MFF: variants seen among roughly 807,000 people sequenced by gnomAD.
MFF encodes chromosome 2 open reading frame 33.
A neutral mutation model predicts 36.9 loss-of-function variants in MFF; 12 were observed. That is an observed-to-expected ratio of 0.33 (90% confidence interval 0.21 to 0.53). The LOEUF is 0.53. MFF is among the 20% of genes least tolerant of loss of function. MFF has a pLI of 0.95. For synonymous variants in MFF, 99 were observed against 126.2 expected (o/e 0.78, Z 1.44); for missense variants, 348 against 366.6 (o/e 0.95, Z 0.42).
intron 1 of MFF, among the ~76,000 whole-genome samples, chr2:227,327,915 C>A (rs1197117037): frequency 6.6e-6 from 1 of 152,188 alleles, no homozygotes; most frequent in Non-Finnish European, 1.5e-5. Flanking sequence ...AGCATCTCAT[C>A]TGGAATGATG....
intron 1 of MFF, among the ~76,000 whole-genome samples, chr2:227,326,076 T>C (rs2074094572): frequency 6.6e-6 from 1 of 152,040 alleles, no homozygotes; most frequent in South Asian, 2.1e-4. Context: ...TCCGCCGAGC[T>C]TCTGACCTTC....
chr2:227,325,624 C>G (rs2074042442), intron 1 of MFF, 197 bp downstream of exon 1: 2 of 152,320 alleles, frequency 1.3e-5, no homozygotes, highest in Admixed American at 6.5e-5. Flanking sequence ...GACCTTGAGT[C>G]CCCGAGGAGA....
chr2:227,335,407 T>G (rs551571375), intron 4 of MFF, among the ~76,000 whole-genome samples: 1 of 152,116 alleles, frequency 6.6e-6, no homozygotes, highest in Non-Finnish European at 1.5e-5. Context: ...TTTGGGCTGA[T>G]GAAAATATTC....
Position 227,340,347 on chromosome 2 carries a change from G to C in MFF, c.407G>C (p.Arg136Pro), listed in dbSNP as rs748723518. Residue 136 changes from arginine (R) to proline (P), a missense_variant, in exon 5 of 9, where the codon CGC (arginine) becomes CCC (proline). Physicochemically the swap from Arg to Pro is moderately radical, Grantham distance 103 (BLOSUM62 -2). Coordinates refer to ENST00000304593, the MANE Select transcript of MFF (RefSeq NM_001277062.2). ...CGGTCTATGAGTGAAAATGCTGTTC[G>C]CCAAAATGGACAGCTGGTCAGAAAT... is the stretch of plus-strand genomic sequence containing the variant. ...RERSMSENAVRQNGQLVRNDS... is the reference protein window; with the variant it reads ...RERSMSENAVPQNGQLVRNDS... The C allele has an allele frequency of 6.2e-7, 1 of 1,613,884 alleles. No individual in the cohort carries two copies. The highest frequency in any genetic ancestry group is 8.5e-7 in the Non-Finnish European group (1 of 1,179,860).
At chr2:227,351,336 A>T (rs961629800) in intron 6 of MFF, among the ~76,000 whole-genome samples, 47 of 152,192 alleles carry the variant, frequency 3.1e-4, no homozygotes, top group African/African-American at 1.1e-3. Flanking sequence ...CACTGGTAGT[A>T]CCTTTAAGAC....
At chr2:227,343,970 T>C (rs1241840968) in intron 5 of MFF, among the ~76,000 whole-genome samples, 1 of 152,158 alleles carries the variant, frequency 6.6e-6, no homozygotes, top group African/African-American at 2.4e-5. Flanking sequence ...GTATTTTTAG[T>C]AGAGACAGGG....
intron 6 of MFF, among the ~76,000 whole-genome samples, chr2:227,349,706 G>A (rs1450130701): frequency 6.6e-6 from 1 of 152,078 alleles, no homozygotes; most frequent in Non-Finnish European, 1.5e-5. Context: ...TTTGTGAGAA[G>A]TATCTGGCAT....
chr2:227,333,156 G>A (rs4675168), intron 4 of MFF, among the ~76,000 whole-genome samples: 145,964 of 152,346 alleles, frequency 0.96, 70,153 homozygotes, highest in East Asian at 1. Flanking sequence ...TGATTGCTGG[G>A]GTTACATCTT....
intron 6 of MFF, among the ~76,000 whole-genome samples, chr2:227,348,205 A>G (rs972692040): frequency 2.0e-5 from 3 of 152,200 alleles, no homozygotes; most frequent in East Asian, 1.9e-4. Context: ...AGAATTTCAC[A>G]ATAAATTAAG....
rs148514577 is a variant in MFF, at chr2:227,357,060, G to A, written c.819G>A (p.Met273Ile). Residue 273 changes from methionine to isoleucine, a missense_variant, in exon 9 of 9, where the codon ATG becomes ATA. Transcript: ENST00000304593. ...AACGTGCTAAAAGAGAAATGGTCAT[G>A]TATTCAATTACTGTAGCTTTCTGGC... The part of the protein sequence containing the change: ...NKERAKREMV[M>I]YSITVAFWLL... The A allele has an allele frequency of 2.2e-5, 35 of 1,612,728 alleles. No individual in the cohort carries two copies. The highest frequency in any genetic ancestry group is 2.0e-4 in the Middle Eastern group (1 of 4,918).
intron 3 of MFF, among the ~76,000 whole-genome samples, chr2:227,331,959 A>ATTTTTTTTTTTTTTTT (rs10549336): frequency 3.9e-5 from 3 of 76,836 alleles, no homozygotes; most frequent in Admixed American, 1.6e-4. Flanking sequence ...CGCTGGAAGC[A>ATTTTTTTTTTTTTTTT]TTTTTTTTTT....
At position 227,350,748 on chromosome 2, in the gene MFF, G is replaced by T. The variant is rs115400553; in HGVS notation, c.600-1766G>T. Among the ~76,000 whole-genome samples the T allele has an allele frequency of 5.3e-3, 808 of 152,166 alleles. 3 individuals carry two copies. The highest frequency in any genetic ancestry group is 0.024 in the Middle Eastern group (7 of 294). Reference sequence around the variant, plus strand: ...GTATTTACTCAAAAAATGTCAGTACGCAAGTTAATGGCGGAGCTTGGTGGT... The same window carrying T: ...GTATTTACTCAAAAAATGTCAGTACTCAAGTTAATGGCGGAGCTTGGTGGT... On this transcript the variant is annotated intron_variant, in intron 6 of 8. Transcript: ENST00000304593.
At chr2:227,329,294 A>G (rs1283261938) in intron 2 of MFF, 4 of 164,222 alleles carry the variant, frequency 2.4e-5, no homozygotes, top group East Asian at 3.8e-4. Context: ...TTTGGAGTAT[A>G]ATGATTAGAG....
At chr2:227,339,157 A>G (rs1363458326) in intron 4 of MFF, among the ~76,000 whole-genome samples, 1 of 151,064 alleles carries the variant, frequency 6.6e-6, no homozygotes, top group Non-Finnish European at 1.5e-5. Context: ...AGCCATGAGC[A>G]TGCCACTGCA....
chr2:227,352,616 G>T (rs191242943), intron 7 of MFF, 43 bp downstream of exon 7: 20 of 1,447,498 alleles, frequency 1.4e-5, no homozygotes, highest in Non-Finnish European at 1.9e-5. Flanking sequence ...AATGCTTGGC[G>T]GAATTTGTGT....
chr2:227,334,028 T>G (rs1200406929), intron 4 of MFF, among the ~76,000 whole-genome samples: 1 of 152,210 alleles, frequency 6.6e-6, no homozygotes, highest in African/African-American at 2.4e-5. Context: ...TCAGAGTGTA[T>G]AACACTGGGG....
intron 3 of MFF, among the ~76,000 whole-genome samples, chr2:227,331,256 A>G (rs530374471): frequency 1.3e-5 from 2 of 152,276 alleles, no homozygotes; most frequent in South Asian, 4.1e-4. Flanking sequence ...TCTTTCCTAG[A>G]GTTTCATGTA....
rs919820297 is a variant in MFF, at chr2:227,357,038, G to T, written c.797G>T (p.Arg266Leu). 3 of 1,613,152 alleles carry T rather than the reference G, an allele frequency of 1.9e-6. No individual in the cohort carries two copies. The highest frequency in any genetic ancestry group is 1.3e-5 in the African/African-American group (1 of 75,016). Residue 266 changes from arginine (R) to leucine (L), a missense_variant, in exon 9 of 9, where the codon CGT becomes CTT. Coordinates refer to ENST00000304593, the MANE Select transcript of MFF (RefSeq NM_001277062.2). ...CTTCTGGAAGAGGAGAACAAAGAAC[G>T]TGCTAAAAGAGAAATGGTCATGTAT... ...LQLLEEENKE[R>L]AKREMVMYSI... is the part of the protein sequence containing the mutation.
chr2:227,344,226 CTT>C (rs886339321), intron 5 of MFF, among the ~76,000 whole-genome samples: 7 of 152,188 alleles, frequency 4.6e-5, no homozygotes, highest in Non-Finnish European at 1.5e-5. Flanking sequence ...AATGTTGAGA[CTT>C]TGCTATTTTA....
Sources: allele counts gnomAD v4.1 joint callset (sites outside exome capture counted in the v4.1 genomes callset), GRCh38; gene constraint gnomAD v4.1.1; transcripts MANE v1.5; gene names NCBI Gene and HGNC (gene_info 2026-07-23, HGNC 2026-07-21).